The following MIR2052HG variants were observed in gnomAD, a reference collection of about 807,000 sequenced individuals.
The protein encoded by MIR2052HG is MIR2052 host gene.
intron 2 of MIR2052HG, among the ~76,000 whole-genome samples, chr8:74,655,418 G>T (rs1229914632): frequency 6.6e-6 from 1 of 152,104 alleles, no homozygotes; most frequent in Admixed American, 6.5e-5. Flanking sequence ...CCTGGCCCAG[G>T]GTCCCCATGC....
intron 4 of MIR2052HG, among the ~76,000 whole-genome samples, chr8:74,719,842 C>CT (rs1809556619): frequency 1.7e-4 from 16 of 92,848 alleles, no homozygotes; most frequent in African/African-American, 3.1e-4. Flanking sequence ...TTTTTTTTTT[C>CT]TTTTTTCTTT....
At chr8:74,743,230 T>G (rs971089244) in intron 4 of MIR2052HG, among the ~76,000 whole-genome samples, 2 of 152,064 alleles carry the variant, frequency 1.3e-5, no homozygotes, top group African/African-American at 4.8e-5. Context: ...TAGATAAAAT[T>G]AAAAGACAGG....
chr8:74,628,733 A>G (rs1298582467), intron 2 of MIR2052HG: 1 of 152,218 alleles, frequency 6.6e-6, no homozygotes, highest in Non-Finnish European at 1.5e-5. Context: ...AAGGTGCTTA[A>G]TAGAGTTGCA....
At chr8:74,600,491 A>G (rs1586882372) in intron 1 of MIR2052HG, among the ~76,000 whole-genome samples, 1 of 150,474 alleles carries the variant, frequency 6.6e-6, no homozygotes, top group African/African-American at 2.4e-5. Flanking sequence ...CTGAGGCAGG[A>G]GAATGGCATG....
At chr8:74,747,100 GAACATCTAGA>G (rs1297203654) in intron 4 of MIR2052HG, among the ~76,000 whole-genome samples, 1 of 152,040 alleles carries the variant, frequency 6.6e-6, no homozygotes, top group African/African-American at 2.4e-5. Context: ...CTCTAGATGT[GAACATCTAGA>G]TAATTAAGAT....
At chr8:74,744,696 G>A (rs1231370403) in intron 4 of MIR2052HG, among the ~76,000 whole-genome samples, 1 of 152,092 alleles carries the variant, frequency 6.6e-6, no homozygotes, top group Non-Finnish European at 1.5e-5. Context: ...TGGTGTATAT[G>A]TGCCACATTT....
chr8:74,603,315 C>T (rs1201421051), intron 1 of MIR2052HG: 3 of 1,604,156 alleles, frequency 1.9e-6, no homozygotes, highest in African/African-American at 1.3e-5. Flanking sequence ...CACCCGTCTC[C>T]GAGGAAAGCC....
chr8:74,718,259 A>G (rs11985065), intron 4 of MIR2052HG, among the ~76,000 whole-genome samples: 2,697 of 152,046 alleles, frequency 0.018, 63 homozygotes, highest in East Asian at 0.065. Flanking sequence ...ATTAGTAAGG[A>G]CACAGATTTT....
At chr8:74,602,863 T>TTCTTTCTTTCTTTC in intron 1 of MIR2052HG, among the ~76,000 whole-genome samples, 1 of 143,742 alleles carries the variant, frequency 7.0e-6, no homozygotes, top group South Asian at 2.1e-4. Flanking sequence ...CTTTCTTTCT[T>TTCTTTCTTTCTTTC]TCTTTCTTTC....
chr8:74,740,701 C>A (rs912305064), intron 4 of MIR2052HG, among the ~76,000 whole-genome samples: 1 of 152,126 alleles, frequency 6.6e-6, no homozygotes, highest in Non-Finnish European at 1.5e-5. Context: ...GAATGAGACA[C>A]AGTGGAGTGC....
At chr8:74,623,625 C>T (rs1808397280) in intron 2 of MIR2052HG, among the ~76,000 whole-genome samples, 1 of 152,146 alleles carries the variant, frequency 6.6e-6, no homozygotes, top group Non-Finnish European at 1.5e-5. Context: ...CAGGTACTAA[C>T]ATAAAACTTG....
chr8:74,603,786 T>C (rs1808063232), intron 1 of MIR2052HG: 1 of 845,714 alleles, frequency 1.2e-6, no homozygotes, highest in Non-Finnish European at 2.1e-6. Flanking sequence ...CAATGATGGA[T>C]TGTGGGATGC....
At chr8:74,748,090 T>C (rs1326019941) in intron 4 of MIR2052HG, among the ~76,000 whole-genome samples, 3 of 152,214 alleles carry the variant, frequency 2.0e-5, no homozygotes, top group African/African-American at 7.2e-5. Context: ...ATGAATTTTA[T>C]GGCCTTTGTT....
chr8:74,697,279 C>A (rs12548987), intron 2 of MIR2052HG, among the ~76,000 whole-genome samples: 35,903 of 151,954 alleles, frequency 0.24, 5,402 homozygotes, highest in East Asian at 0.65. Flanking sequence ...ATCCAACATC[C>A]CTTTATGATT....
At chr8:74,665,512 A>G (rs929135192) in intron 2 of MIR2052HG, among the ~76,000 whole-genome samples, 1 of 152,108 alleles carries the variant, frequency 6.6e-6, no homozygotes, top group African/African-American at 2.4e-5. Flanking sequence ...ATCTCCTGCA[A>G]TATACAGAAC....
At chr8:74,628,142 TAGAAC>T (rs1175852300) in intron 2 of MIR2052HG, among the ~76,000 whole-genome samples, 1 of 152,120 alleles carries the variant, frequency 6.6e-6, no homozygotes, top group African/African-American at 2.4e-5. Flanking sequence ...AGTTCAAAAT[TAGAAC>T]AGATACCTAT....
intron 2 of MIR2052HG, among the ~76,000 whole-genome samples, chr8:74,675,827 T>G (rs1809045359): frequency 6.6e-6 from 1 of 151,992 alleles, no homozygotes; most frequent in African/African-American, 2.4e-5. Context: ...AATCACACTA[T>G]CTAATGCTCC....
chr8:74,750,038 G>A (rs967509705), intron 4 of MIR2052HG, among the ~76,000 whole-genome samples: 2 of 152,060 alleles, frequency 1.3e-5, no homozygotes, highest in African/African-American at 4.8e-5. Flanking sequence ...AAAGTCCAGT[G>A]GAGGGTCAGC....
intron 4 of MIR2052HG, among the ~76,000 whole-genome samples, chr8:74,736,943 A>G (rs1161521665): frequency 6.6e-6 from 1 of 152,128 alleles, no homozygotes; most frequent in African/African-American, 2.4e-5. Flanking sequence ...GAGGGAACCT[A>G]AGGCTGTTTC....
Sources: allele counts gnomAD v4.1 joint callset (sites outside exome capture counted in the v4.1 genomes callset), GRCh38; gene constraint gnomAD v4.1.1; transcripts MANE v1.5; gene names NCBI Gene and HGNC (gene_info 2026-07-23, HGNC 2026-07-21).